Variants in KIF15 observed in about 807,000 individuals in gnomAD.
KIF15 encodes kinesin-like protein KIF15.
In KIF15, 140 loss-of-function variants were observed where a neutral mutation model predicts 190.6. The ratio of observed to expected loss-of-function variants is 0.73; its 90% CI spans 0.64 to 0.84. The LOEUF (loss-of-function observed/expected upper bound fraction) is 0.84, where lower values mean the gene tolerates loss of function less well. Ranked by LOEUF, KIF15 falls within the 40% of genes least tolerant of loss-of-function variation. The pLI, the probability that KIF15 is intolerant of heterozygous loss-of-function variation, is 0.00. For synonymous variants in KIF15, 528 were observed against 551.3 expected (o/e 0.96, Z 0.59); for missense variants, 1,372 against 1,584.4 (o/e 0.87, Z 2.28).
Position 44,827,475 on chromosome 3 carries a change from C to CT in KIF15, c.2805dup (p.Glu936Ter), listed in dbSNP as rs1394802571. ...CTCTTCCAGAGAAATCTTAAAAGTTCTTGAGGCTGTACGTCAGGAGAAACA... is the reference window on the plus strand; with the variant it reads ...CTCTTCCAGAGAAATCTTAAAAGTTCTTTGAGGCTGTACGTCAGGAGAAACA... On this transcript the variant is annotated frameshift_variant, in exon 23 of 35. Coordinates refer to ENST00000326047, the MANE Select transcript of KIF15 (RefSeq NM_020242.3). LOFTEE classifies it high-confidence loss of function. The CT allele has an allele frequency of 6.2e-7, 1 of 1,611,546 alleles. No homozygotes were observed. Among genetic ancestry groups the CT allele is most frequent in the Admixed American group, 1.7e-5 (1 of 59,802 alleles).
chr3:44,867,959 C>T (rs776990948), intron 6 of KIF15, among the ~76,000 whole-genome samples: 3 of 152,118 alleles, frequency 2.0e-5, no homozygotes, highest in Non-Finnish European at 4.4e-5. Flanking sequence ...TCATTCCTTT[C>T]GTTTAATTTT....
In KIF15 at chr3:44,761,821, G is replaced by T; in HGVS notation, c.-45G>T. On this transcript the variant is annotated 5_prime_UTR_variant, in exon 1 of 35. Coordinates refer to ENST00000326047, the MANE Select transcript of KIF15 (RefSeq NM_020242.3). ...TCGCGCGCGGTGCAGTCGGGAGGTGGAGGCACCGGCTGCATTGTTTTCGGG... is the reference window on the plus strand; with the variant it reads ...TCGCGCGCGGTGCAGTCGGGAGGTGTAGGCACCGGCTGCATTGTTTTCGGG... 3 of 1,613,984 alleles carry T rather than the reference G, an allele frequency of 1.9e-6. No individual in the cohort carries two copies. Among genetic ancestry groups the T allele is most frequent in the Non-Finnish European group, 2.5e-6 (3 of 1,179,864 alleles).
chr3:44,832,192 A>T (rs1049700270), intron 26 of KIF15, among the ~76,000 whole-genome samples: 1 of 152,242 alleles, frequency 6.6e-6, no homozygotes, highest in African/African-American at 2.4e-5. Flanking sequence ...GAAGCTTGGC[A>T]GTGTGAACAT....
intron 30 of KIF15, among the ~76,000 whole-genome samples, chr3:44,846,718 A>G (rs140477608): frequency 0.018 from 2,742 of 150,946 alleles, 70 homozygotes; most frequent in African/African-American, 0.062. Context: ...AGGTTGTAGT[A>G]AGCTGAGATT....
chr3:44,858,051 C>T (rs748598130), downstream of KIF15, among the ~76,000 whole-genome samples: 6 of 152,158 alleles, frequency 3.9e-5, no homozygotes, highest in Non-Finnish European at 5.9e-5. Context: ...TGAAGCCTTG[C>T]GGCAGTACAG....
intron 27 of KIF15, 116 bp from the exon 28 acceptor site, chr3:44,840,239 T>G: frequency 1.7e-6 from 1 of 603,352 alleles, no homozygotes; most frequent in Non-Finnish European, 2.9e-6. Flanking sequence ...TGATATCTCA[T>G]TGTGGTTTTC....
chr3:44,797,613 C>T lies in KIF15; in HGVS notation c.912C>T (p.Asp304=), dbSNP rs372910550. 46 of 1,613,890 alleles carry T rather than the reference C, an allele frequency of 2.9e-5. No individual in the cohort carries two copies. The highest frequency in any genetic ancestry group is 3.6e-5 in the Non-Finnish European group (42 of 1,179,966). The change falls in exon 9 of 35, where the codon GAC becomes GAT. Residue 304 remains aspartate (D), a synonymous_variant. Transcript: ENST00000326047. ...CLGQVITALV[D]VGNGKQRHVC... The stretch of plus-strand genomic sequence containing the variant: ...GCCAAGTGATTACAGCACTTGTCGA[C>T]GTGGGTAATGGAAAACAGAGACATG...
chr3:44,788,355 C>T (rs938249883), intron 7 of KIF15, among the ~76,000 whole-genome samples: 3 of 152,006 alleles, frequency 2.0e-5, no homozygotes, highest in African/African-American at 7.3e-5. Context: ...ATAAAGTACT[C>T]GATTAAGATT....
chr3:44,764,736 A>G (rs1705309345), intron 1 of KIF15, among the ~76,000 whole-genome samples: 1 of 94,578 alleles, frequency 1.1e-5, no homozygotes, highest in African/African-American at 4.3e-5. Context: ...TCTCTGTTCA[A>G]GTGATTACTC....
chr3:44,811,274 G>T (rs1707771553), intron 17 of KIF15, among the ~76,000 whole-genome samples: 1 of 152,208 alleles, frequency 6.6e-6, no homozygotes, highest in African/African-American at 2.4e-5. Context: ...TTGTTCCTTA[G>T]TGTATAAAAT....
chr3:44,790,943 A>G (rs961725594), intron 7 of KIF15, among the ~76,000 whole-genome samples: 9 of 151,962 alleles, frequency 5.9e-5, no homozygotes, highest in Admixed American at 4.6e-4. Flanking sequence ...GGCCTCCCAA[A>G]GTGCTGGGAT....
At chr3:44,866,099 G>C (rs1699319780) in intron 6 of KIF15, among the ~76,000 whole-genome samples, 1 of 140,902 alleles carries the variant, frequency 7.1e-6, no homozygotes, top group Non-Finnish European at 1.5e-5. Context: ...TTTTGAGACA[G>C]TCTCGCTCTG....
At chr3:44,846,927 TTTA>T (rs1383411249) in intron 30 of KIF15, among the ~76,000 whole-genome samples, 2 of 152,236 alleles carry the variant, frequency 1.3e-5, no homozygotes, top group East Asian at 3.9e-4. Context: ...TAAATAAAAT[TTTA>T]TTGAGACATA....
rs56009369 is a variant in KIF15, at chr3:44,789,642, TTATA to T, written c.639+3115_639+3118del. ...GTTTCATTGCGATTTTTGTCTAATT[TTATA>T]TATATATATATATATATATATATAT... On this transcript the variant is annotated intron_variant, in intron 7 of 34. Coordinates refer to ENST00000326047, the MANE Select transcript of KIF15 (RefSeq NM_020242.3). Among the ~76,000 whole-genome samples the T allele has an allele frequency of 3.1e-3, 356 of 113,378 alleles. 3 individuals carry two copies. Among genetic ancestry groups the T allele is most frequent in the African/African-American group, 8.1e-3 (217 of 26,844 alleles). 74.4% of individuals were successfully genotyped at this position (113,378 alleles called of 152,430 possible).
intron 20 of KIF15, among the ~76,000 whole-genome samples, chr3:44,822,806 A>T (rs1237022187): frequency 6.6e-6 from 1 of 152,100 alleles, no homozygotes; most frequent in East Asian, 1.9e-4. Flanking sequence ...CGACTGTTGA[A>T]GCCTTGTGCA....
At chr3:44,806,277 A>G (rs1317502948) in intron 16 of KIF15, among the ~76,000 whole-genome samples, 1 of 152,220 alleles carries the variant, frequency 6.6e-6, no homozygotes, top group African/African-American at 2.4e-5. Context: ...TCTAAATTGG[A>G]AATGAAGGTA....
chr3:44,778,073 T>G (rs4682753), intron 3 of KIF15, 42 bp from the exon 4 acceptor site: 75,789 of 1,531,428 alleles, frequency 0.049, 2,022 homozygotes, highest in Middle Eastern at 0.085. Context: ...GAAAAATGTT[T>G]TCATTTTTAT....
intron 19 of KIF15, among the ~76,000 whole-genome samples, chr3:44,813,698 C>T (rs982702331): frequency 2.8e-5 from 4 of 143,366 alleles, no homozygotes; most frequent in East Asian, 4.3e-4. Context: ...GGGATCTCGG[C>T]GGCTCACTGC....
At chr3:44,826,821 T>C (rs1364531235) in intron 22 of KIF15, among the ~76,000 whole-genome samples, 1 of 152,224 alleles carries the variant, frequency 6.6e-6, no homozygotes, top group Non-Finnish European at 1.5e-5. Flanking sequence ...CTACCAGGAA[T>C]GTCCCCTAAC....
Sources: gnomAD v4.1 joint callset for allele counts (sites outside exome capture counted in the v4.1 genomes callset) on GRCh38, gnomAD v4.1.1 for gene constraint, MANE v1.5 for transcripts, NCBI Gene and HGNC (gene_info 2026-07-23, HGNC 2026-07-21) for gene names.